PCNT: variants seen among roughly 807,000 people sequenced by gnomAD.
PCNT encodes the protein kendrin.
PCNT carries 319 observed loss-of-function variants against 380.4 expected under a neutral mutation model. The observed-to-expected ratio is 0.84, with a 90% CI of 0.77 to 0.92. The LOEUF (loss-of-function observed/expected upper bound fraction) is 0.92, where lower values mean the gene tolerates loss of function less well. Among genes scored for constraint, PCNT ranks in the 40% least tolerant of loss-of-function variants. The pLI is 0.00. For missense variants in PCNT, 4,400 were observed against 4,255.3 expected, an observed-to-expected ratio of 1.03 and a Z score of -0.95; for synonymous variants, 1,845 against 1,735.2, an observed-to-expected ratio of 1.06 and a Z score of -1.57.
chr21:46,386,742 G>C (rs2085851780), intron 17 of PCNT, among the ~76,000 whole-genome samples: 1 of 152,230 alleles, frequency 6.6e-6, no homozygotes, highest in African/African-American at 2.4e-5. Context: ...CACCTCACAG[G>C]GTTTTAAGTT....
chr21:46,402,680 G>C (rs1363638195), intron 27 of PCNT, among the ~76,000 whole-genome samples, 197 bp downstream of exon 27: 1 of 152,168 alleles, frequency 6.6e-6, no homozygotes, highest in Admixed American at 6.5e-5. Flanking sequence ...GGGATCTTGA[G>C]TGAGGAACCA....
In PCNT at chr21:46,346,846, C is replaced by T. The variant is rs1472761315; in HGVS notation, c.824C>T (p.Thr275Met). The change falls in exon 5 of 47, where the codon ACG becomes ATG. Residue 275 changes from threonine to methionine, a missense_variant. Transcript: ENST00000359568. Reference sequence around the variant, plus strand: ...GCCAACCTCCAGAAGGAGAAGGAGACGGCATTGACGGAGCTGCGGGAGATG... The same window carrying T: ...GCCAACCTCCAGAAGGAGAAGGAGATGGCATTGACGGAGCTGCGGGAGATG... ...TQANLQKEKE[T>M]ALTELREMLN... is the part of the protein sequence containing the mutation. The T allele has an allele frequency of 3.1e-6, 5 of 1,607,940 alleles. No individual in the cohort carries two copies. The highest frequency in any genetic ancestry group is 1.7e-5 in the Admixed American group (1 of 59,120).
In PCNT at chr21:46,324,206, G is replaced by A. The variant is rs745854779; in HGVS notation, c.-23G>A. ...TGTGTCAGCCCCGTCACCGCCGGGC[G>A]GCCCGCGCGGAGTCTGAGGGAGATG... On this transcript the variant is annotated 5_prime_UTR_variant, in exon 1 of 47. Transcript: ENST00000359568. The A allele has an allele frequency of 1.9e-6, 3 of 1,604,932 alleles. No homozygotes were observed. In the African/African-American group the frequency reaches 4.0e-5, roughly 21 times the overall value.
In PCNT at chr21:46,430,603, G is replaced by T; in HGVS notation, c.8010G>T (p.Glu2670Asp). 1 of 1,568,294 alleles carries T rather than the reference G, an allele frequency of 6.4e-7. No individual in the cohort carries two copies. Among genetic ancestry groups the T allele is most frequent in the Non-Finnish European group, 8.6e-7 (1 of 1,157,170 alleles). The change falls in exon 37 of 47, where the codon GAG becomes GAT. Residue 2670 changes from glutamate to aspartate, a missense_variant. Physicochemically the swap from Glu to Asp is conservative, Grantham distance 45. Coordinates refer to ENST00000359568, the MANE Select transcript of PCNT (RefSeq NM_006031.6). ...GGCGTGCCCTGCAGAGCCAGCTGGA[G>T]GAGGAGCAGCTGCGGCACCTGCAGA... Reference protein sequence around the residue: ...GKGRALQSQLEEEQLRHLQRE... With the variant: ...GKGRALQSQLDEEQLRHLQRE...
chr21:46,351,431 A>G lies in PCNT; in HGVS notation c.1347A>G (p.Leu449=), dbSNP rs767579524. Residue 449 remains leucine, a splice_region_variant and synonymous_variant, in exon 9 of 47, where the codon TTA becomes TTG. Transcript: ENST00000359568. ...CCTGGACACTTTGCTTTTTCCAGTT[A>G]GAGAATCTTCAAGCATCATATGAAG... ...KESEKEKQLE[L]ENLQASYEDL... 1.7e-5 allele frequency: 27 copies of G among 1,584,402 alleles called. No homozygotes were observed. Among genetic ancestry groups the G allele is most frequent in the Non-Finnish European group, 2.3e-5 (27 of 1,152,886 alleles).
rs201360311 is a variant in PCNT, at chr21:46,353,128, G to C, written c.1481G>C (p.Arg494Pro). 71 of 1,613,868 alleles carry C rather than the reference G, an allele frequency of 4.4e-5. No homozygotes were observed. Among genetic ancestry groups the C allele is most frequent in the Non-Finnish European group, 5.8e-5 (69 of 1,180,008 alleles). ...LSELHEQLLA[R>P]TSRVEDLEQL... is the part of the protein sequence containing the mutation. ...GAGCTACATGAGCAACTCCTGGCGC[G>C]CACCTCTCGTGTGGAAGATTTAGAA... The change falls in exon 10 of 47, where the codon CGC becomes CCC. Residue 494 changes from arginine (R) to proline (P), a missense_variant. Physicochemically the swap from Arg to Pro is moderately radical, Grantham distance 103 (BLOSUM62 -2). Coordinates refer to ENST00000359568, the MANE Select transcript of PCNT (RefSeq NM_006031.6).
rs2085814084 is a variant in PCNT, at chr21:46,385,903, G to T, written c.3384G>T (p.Gln1128His). The T allele has an allele frequency of 1.2e-6, 2 of 1,614,128 alleles. No homozygotes were observed. Among genetic ancestry groups the T allele is most frequent in the Admixed American group, 3.3e-5 (2 of 60,014 alleles). Residue 1128 changes from glutamine to histidine, a missense_variant, in exon 17 of 47, where the codon CAG (glutamine) becomes CAT (histidine). Coordinates refer to ENST00000359568, the MANE Select transcript of PCNT (RefSeq NM_006031.6). ...ECRSELEVLQ[Q>H]RRERENREGA... ...GCTCCGAGTTGGAGGTGCTGCAGCA[G>T]AGGCGGGAGCGGGAGAACCGGGAAG...
chr21:46,368,810 A>T (rs1242740506), intron 15 of PCNT, among the ~76,000 whole-genome samples: 3 of 152,252 alleles, frequency 2.0e-5, no homozygotes, highest in Non-Finnish European at 4.4e-5. Context: ...TGGCAGATCA[A>T]TACCTTGTCA....
At position 46,359,549 on chromosome 21, in the gene PCNT, C is replaced by T. The variant is rs1396432660; in HGVS notation, c.2154+2358C>T. ...CTATCGCCAGGGTGGAGTGTAGAGG[C>T]GTGATCTTGGCTCACTGTACCCTCC... On this transcript the variant is annotated intron_variant, in intron 13 of 46. Coordinates refer to ENST00000359568, the MANE Select transcript of PCNT (RefSeq NM_006031.6). 7.3e-4 allele frequency among the ~76,000 whole-genome samples: 83 copies of T among 113,906 alleles called. 7 individuals carry two copies. Among genetic ancestry groups the T allele is most frequent in the Middle Eastern group, 7.4e-3 (1 of 136 alleles). 74.7% of individuals were successfully genotyped at this position (113,906 alleles called of 152,430 possible).
At chr21:46,331,156 A>C (rs745537563) in intron 2 of PCNT, among the ~76,000 whole-genome samples, 3 of 152,126 alleles carry the variant, frequency 2.0e-5, no homozygotes, top group Admixed American at 6.6e-5. Context: ...TTTCTAGCAT[A>C]AGTCTTTTTT....
intron 30 of PCNT, among the ~76,000 whole-genome samples, chr21:46,417,098 G>A (rs766522178): frequency 1.3e-5 from 2 of 152,014 alleles, no homozygotes; most frequent in Non-Finnish European, 2.9e-5. Flanking sequence ...ACTCCAACGG[G>A]CATAGCCCAG....
At position 46,385,940 on chromosome 21, in the gene PCNT, C is replaced by T. The variant is rs751368647; in HGVS notation, c.3421C>T (p.Leu1141Phe). The change falls in exon 17 of 47, where the codon CTC (leucine) becomes TTC (phenylalanine). Residue 1141 changes from leucine (L) to phenylalanine (F), a missense_variant. Physicochemically the swap from Leu to Phe is conservative, Grantham distance 22. Coordinates refer to ENST00000359568, the MANE Select transcript of PCNT (RefSeq NM_006031.6). Reference sequence around the variant, plus strand: ...GGAGAACCGGGAAGGCGCAAACCTCCTCTCCATGCTCAAGGCCGACGTCAA... The same window carrying T: ...GGAGAACCGGGAAGGCGCAAACCTCTTCTCCATGCTCAAGGCCGACGTCAA... The part of the protein sequence containing the change: ...ERENREGANL[L>F]SMLKADVNLS... The T allele has an allele frequency of 6.2e-7, 1 of 1,614,194 alleles. No individual in the cohort carries two copies. The highest frequency in any genetic ancestry group is 8.5e-7 in the Non-Finnish European group (1 of 1,180,034).
At chr21:46,405,694 CA>C (rs1057504544) in intron 27 of PCNT, among the ~76,000 whole-genome samples, 12 of 145,552 alleles carry the variant, frequency 8.2e-5, no homozygotes, top group East Asian at 2.0e-4. Context: ...AGACTCGTCT[CA>C]AAAAAAAAAG....
rs1003542353 is a variant in PCNT, at chr21:46,440,118, G to A, written c.9309G>A (p.Thr3103=). 3 of 1,614,104 alleles carry A rather than the reference G, an allele frequency of 1.9e-6. No homozygotes were observed. Among genetic ancestry groups the A allele is most frequent in the Non-Finnish European group, 1.7e-6 (2 of 1,180,020 alleles). ...GGTCTGCTTGGAAGCCAGACGAAAC[G>A]GCTCCACAGAGTTCCCTGAGGCGCC... ...SERSAWKPDE[T]APQSSLRRPD... The change falls in exon 42 of 47, where the codon ACG becomes ACA. Residue 3103 remains threonine, a synonymous_variant. Coordinates refer to ENST00000359568, the MANE Select transcript of PCNT (RefSeq NM_006031.6).
At chr21:46,328,450 C>G (rs1238767446) in intron 2 of PCNT, among the ~76,000 whole-genome samples, 2 of 151,608 alleles carry the variant, frequency 1.3e-5, no homozygotes, top group African/African-American at 4.8e-5. Context: ...TTGATATATT[C>G]TGGTTGCATA....
chr21:46,354,947 C>T (rs1569188814), intron 11 of PCNT, among the ~76,000 whole-genome samples: 1 of 152,200 alleles, frequency 6.6e-6, no homozygotes, highest in Non-Finnish European at 1.5e-5. Context: ...CCAGAGAGAA[C>T]CCAGGAAGGG....
chr21:46,331,052 A>G (rs1245247525), intron 2 of PCNT, among the ~76,000 whole-genome samples: 1 of 151,880 alleles, frequency 6.6e-6, no homozygotes, highest in Admixed American at 6.6e-5. Context: ...GAGTGTGTGT[A>G]TGTGTGTGTG....
intron 27 of PCNT, among the ~76,000 whole-genome samples, chr21:46,403,460 C>G (rs9978980): frequency 2.4e-5 from 3 of 122,986 alleles, no homozygotes; most frequent in Non-Finnish European, 5.1e-5. Context: ...GGTGCCCACG[C>G]GGCACGTGCT....
At chr21:46,431,372 C>T in intron 37 of PCNT, 157 bp from the exon 38 acceptor site, 1 of 1,469,846 alleles carries the variant, frequency 6.8e-7, no homozygotes, top group Non-Finnish European at 9.0e-7. Context: ...ACTTGATGAA[C>T]TAACAAAAAA....
Sources: allele counts gnomAD v4.1 joint callset (sites outside exome capture counted in the v4.1 genomes callset), GRCh38; gene constraint gnomAD v4.1.1; transcripts MANE v1.5; gene names NCBI Gene and HGNC (gene_info 2026-07-23, HGNC 2026-07-21).